MTF1: variants seen among roughly 807,000 people sequenced by gnomAD.
MTF1 encodes metal regulatory transcription factor 1.
MTF1 carries 22 observed loss-of-function variants against 70.4 expected under a neutral mutation model. The ratio of observed to expected loss-of-function variants is 0.31; its 90% CI spans 0.22 to 0.45. MTF1 has a LOEUF of 0.45. Among genes scored for constraint, MTF1 ranks in the 20% least tolerant of loss-of-function variants. The pLI, the probability that MTF1 is intolerant of heterozygous loss-of-function variation, is 1.00. For missense variants in MTF1, 649 were observed against 922.0 expected, an observed-to-expected ratio of 0.70 and a Z score of 3.83; for synonymous variants, 333 against 352.8, an observed-to-expected ratio of 0.94 and a Z score of 0.63.
rs1640933623 is a variant in MTF1 at position 37,822,567 on chromosome 1, A to G, written c.1321T>C (p.Ser441Pro). The G allele has an allele frequency of 1.2e-6, 2 of 1,614,056 alleles. No individual in the cohort carries two copies. Among genetic ancestry groups the G allele is most frequent in the Non-Finnish European group, 1.7e-6 (2 of 1,180,018 alleles). The change falls in exon 9 of 11, where the codon TCT becomes CCT. Residue 441 changes from serine to proline, a missense_variant. Ser to Pro is a moderately conservative substitution (Grantham distance 74). Transcript: ENST00000373036. ...PQPLLPASAPSAPPPAPSLGP... is the reference protein window; with the variant it reads ...PQPLLPASAPPAPPPAPSLGP... ...AGGGAGGGAGCAGGCGGAGGAGCAGACGGAGCTGAGGCAGGTAGTAGAGGC... is the reference window on the plus strand; with the variant it reads ...AGGGAGGGAGCAGGCGGAGGAGCAGGCGGAGCTGAGGCAGGTAGTAGAGGC...
rs115573876 is a variant in MTF1, at chr1:37,824,815, T to A, written c.1069-1003A>T. Among the ~76,000 whole-genome samples the A allele has an allele frequency of 8.4e-3, 1,286 of 152,274 alleles. 8 individuals are homozygous for A. Among genetic ancestry groups the A allele is most frequent in the Non-Finnish European group, 0.014 (937 of 68,018 alleles). On this transcript the variant is annotated intron_variant, in intron 7 of 10. Transcript: ENST00000373036. ...ATATTCTAGTATGTATGCATGGTAA[T>A]AAACAAGACAACAATGGTGAACAAT...
intron 7 of MTF1, among the ~76,000 whole-genome samples, chr1:37,827,380 CAG>C (rs1441524397): frequency 1.4e-5 from 2 of 145,980 alleles, no homozygotes; most frequent in Non-Finnish European, 3.0e-5. Flanking sequence ...TTATTTGAGA[CAG>C]AGTCTCGCTC....
At position 37,810,809 on chromosome 1, in the gene MTF1, T is replaced by C. The variant is rs1056266400; in HGVS notation, c.*4327A>G. 6.6e-6 allele frequency: 1 copy of C among 152,228 alleles called. No homozygotes were observed. Among genetic ancestry groups the C allele is most frequent in the African/African-American group, 2.4e-5 (1 of 41,454 alleles). The allele number at this position is 152,228 out of a possible 1,614,324, so 9.4% of individuals were successfully genotyped here. A position where few individuals can be genotyped will look rare whatever the true frequency, so the allele number is the denominator to read the frequency against. ...TGGAGTAAAGGAAGAAAGTTGATAA[T>C]GATTCATGGGATGTAATGTTTGTTT... On this transcript the variant is annotated 3_prime_UTR_variant, in exon 11 of 11. Transcript: ENST00000373036.
intron 6 of MTF1, among the ~76,000 whole-genome samples, chr1:37,833,671 T>C (rs553118316): frequency 2.0e-5 from 3 of 152,176 alleles, no homozygotes; most frequent in East Asian, 3.9e-4. Context: ...AAATATACAA[T>C]GTGCAAGAGG....
Position 37,822,512 on chromosome 1 carries a change from C to T in MTF1, c.1376G>A (p.Gly459Asp), listed in dbSNP as rs1202839756. 6.2e-7 allele frequency: 1 copy of T among 1,614,012 alleles called. No homozygotes were observed. The highest frequency in any genetic ancestry group is 1.1e-5 in the South Asian group (1 of 91,074). ...LGPGSQQAAF[G>D]NPPALLQPPE... is the part of the protein sequence containing the mutation. ...AGGTTGTAAGAGAGCAGGGGGGTTG[C>T]CAAATGCAGCTTGCTGGGAGCCAGG... The change falls in exon 9 of 11, where the codon GGC (glycine) becomes GAC (aspartate). Residue 459 changes from glycine (G) to aspartate (D), a missense_variant. By Grantham distance (94) the Gly-to-Asp change is moderately conservative. This residue lies in a region of MTF1 where 267 missense variants were observed against 292.1 expected (regional missense o/e 0.91). Transcript: ENST00000373036.
chr1:37,829,244 A>G (rs1211017063), intron 7 of MTF1, among the ~76,000 whole-genome samples: 3 of 152,016 alleles, frequency 2.0e-5, no homozygotes, highest in African/African-American at 7.3e-5. Context: ...AGCTGGGACA[A>G]CACCAGCTAA....
chr1:37,850,851 A>T (rs1049047667), intron 2 of MTF1, among the ~76,000 whole-genome samples: 8 of 152,208 alleles, frequency 5.3e-5, no homozygotes, highest in Non-Finnish European at 8.8e-5. Flanking sequence ...TGACTCAGAA[A>T]ATAAGCTGCT....
intron 3 of MTF1, 41 bp from the exon 4 acceptor site, chr1:37,838,797 C>CTTCTTTTTTTTTTTTTT (rs1641209707): frequency 2.4e-6 from 1 of 421,154 alleles, no homozygotes; most frequent in African/African-American, 2.9e-5. Context: ...TCATAAAATT[C>CTTCTTTTTTTTTTTTTT]TTTTTTTTTT....
At position 37,838,891 on chromosome 1, in the gene MTF1, T is replaced by C. The variant is rs1641213947; in HGVS notation, c.648-135A>G. 10 of 609,402 alleles carry C rather than the reference T, an allele frequency of 1.6e-5. 1 individual carries two copies. The highest frequency in any genetic ancestry group is 2.4e-5 in the Non-Finnish European group (10 of 408,676). 37.7% of individuals were successfully genotyped at this position (609,402 alleles called of 1,614,324 possible). On this transcript the variant is annotated intron_variant, in intron 3 of 10. Transcript: ENST00000373036. ...GCAGTCTCGGCTCACTGCAACCTCC[T>C]CCTGCTAGGTTCAAGCGATTCTCCT...
In MTF1 at chr1:37,809,678, TAA is replaced by T. The variant is rs1043539621; in HGVS notation, c.*5456_*5457del. 5 of 153,242 alleles carry T rather than the reference TAA, an allele frequency of 3.3e-5. No homozygotes were observed. Among genetic ancestry groups the T allele is most frequent in the African/African-American group, 9.6e-5 (4 of 41,452 alleles). 9.5% of individuals were successfully genotyped at this position (153,242 alleles called of 1,614,324 possible). A position where few individuals can be genotyped will look rare whatever the true frequency, so the allele number is the denominator to read the frequency against. The stretch of plus-strand genomic sequence containing the variant: ...TAGCAGATATTTTAAAGTACAATAT[TAA>T]GTTTATACAAAATGAGCAATTAAGC... On this transcript the variant is annotated 3_prime_UTR_variant, in exon 11 of 11. Transcript: ENST00000373036.
rs1640720315 is a variant in MTF1, at chr1:37,810,997, G to A, written c.*4139C>T. ...CAATTGTAAACTCTTGAGAAATATT[G>A]TTGCAGTTCCACAAATCAATGGTTT... On this transcript the variant is annotated 3_prime_UTR_variant, in exon 11 of 11. Coordinates refer to ENST00000373036, the MANE Select transcript of MTF1 (RefSeq NM_005955.3). 6.5e-6 allele frequency: 1 copy of A among 152,680 alleles called. No homozygotes were observed. Among genetic ancestry groups the A allele is most frequent in the Non-Finnish European group, 1.5e-5 (1 of 68,024 alleles). The allele number at this position is 152,680 out of a possible 1,614,324, so 9.5% of individuals were successfully genotyped here.
intron 1 of MTF1, 65 bp from the exon 2 acceptor site, chr1:37,857,774 C>T: frequency 1.1e-6 from 1 of 936,882 alleles, no homozygotes; most frequent in South Asian, 1.7e-5. Context: ...TCAGCAACCA[C>T]AAGGCTCATT....
intron 2 of MTF1, among the ~76,000 whole-genome samples, chr1:37,854,166 C>A (rs1248841341): frequency 6.6e-6 from 1 of 152,156 alleles, no homozygotes; most frequent in Non-Finnish European, 1.5e-5. Context: ...TGCCACCACG[C>A]CCGGCTAATT....
chr1:37,835,685 A>G lies in MTF1; in HGVS notation c.839T>C (p.Val280Ala). The change falls in exon 5 of 11, where the codon GTT (valine) becomes GCT (alanine). Residue 280 changes from valine to alanine, a missense_variant. Val to Ala is a moderately conservative substitution (Grantham distance 64, BLOSUM62 0). Transcript: ENST00000373036. The part of the protein sequence containing the change: ...FAASHHLKTH[V>A]RTHTGERPFF... Reference sequence around the variant, plus strand: ...CCTAAACTCACCAGTATGTGTACGAACGTGAGTTTTAAGGTGGTGGCTTGC... The same window carrying G: ...CCTAAACTCACCAGTATGTGTACGAGCGTGAGTTTTAAGGTGGTGGCTTGC... 2 of 1,614,162 alleles carry G rather than the reference A, an allele frequency of 1.2e-6. No homozygotes were observed. The highest frequency in any genetic ancestry group is 1.7e-6 in the Non-Finnish European group (2 of 1,179,974).
Position 37,810,648 on chromosome 1 carries a change from AACAG to A in MTF1, c.*4484_*4487del, listed in dbSNP as rs1465618271. On this transcript the variant is annotated 3_prime_UTR_variant, in exon 11 of 11. Transcript: ENST00000373036. ...TTGCCTCCACCCCCAAATATTAAGG[AACAG>A]ACAATTTCTGATCTATGTCACAGCA... is the stretch of plus-strand genomic sequence containing the variant. 3 of 152,242 alleles carry A rather than the reference AACAG, an allele frequency of 2.0e-5. No homozygotes were observed. The highest frequency in any genetic ancestry group is 7.2e-5 in the African/African-American group (3 of 41,458). The allele number at this position is 152,242 out of a possible 1,614,324, so 9.4% of individuals were successfully genotyped here.
At chr1:37,834,996 G>T in intron 6 of MTF1, 83 bp downstream of exon 6, 2 of 1,450,848 alleles carry the variant, frequency 1.4e-6, no homozygotes, top group South Asian at 1.2e-5. Flanking sequence ...ATACAGAGAA[G>T]ACATTTTAAC....
intron 8 of MTF1, 141 bp downstream of exon 8, chr1:37,823,569 A>G: frequency 1.8e-6 from 1 of 556,466 alleles, no homozygotes; most frequent in South Asian, 2.4e-5. Context: ...GAAAAGATGG[A>G]ATTAAACTGA....
rs1339176496 is a variant in MTF1, at chr1:37,813,088, C to T, written c.*2048G>A. The T allele has an allele frequency of 6.6e-6, 1 of 152,198 alleles. No homozygotes were observed. Among genetic ancestry groups the T allele is most frequent in the African/African-American group, 2.4e-5 (1 of 41,414 alleles). The allele number at this position is 152,198 out of a possible 1,614,324, so 9.4% of individuals were successfully genotyped here. A position where few individuals can be genotyped will look rare whatever the true frequency, so the allele number is the denominator to read the frequency against. On this transcript the variant is annotated 3_prime_UTR_variant, in exon 11 of 11. Transcript: ENST00000373036. ...CTGACGTTGGGAGTTCGAGACCAGC[C>T]TGACCAACATGGAGAAACCCCGTCT...
intron 9 of MTF1, among the ~76,000 whole-genome samples, chr1:37,821,425 C>T (rs557262828): frequency 3.9e-5 from 6 of 151,932 alleles, no homozygotes; most frequent in African/African-American, 1.4e-4. Flanking sequence ...AATATTTAAC[C>T]TACTGGTAAT....
Sources: allele counts gnomAD v4.1 joint callset (sites outside exome capture counted in the v4.1 genomes callset), GRCh38; gene constraint gnomAD v4.1.1; regional missense constraint gnomAD v4.1.1; transcripts MANE v1.5; gene names NCBI Gene and HGNC (gene_info 2026-07-23, HGNC 2026-07-21).